The following PHLPP1 variants were observed in gnomAD, a reference collection of about 807,000 sequenced individuals.
PHLPP1 encodes the protein PH domain leucine-rich repeat-containing protein phosphatase 1.
Under a neutral mutation model 117.2 loss-of-function variants are expected in PHLPP1, and 42 were observed. That is an observed-to-expected ratio of 0.36 (90% CI 0.28 to 0.46). The LOEUF (loss-of-function observed/expected upper bound fraction) is 0.46, where lower values mean the gene tolerates loss of function less well. Ranked by LOEUF, PHLPP1 falls within the 20% of genes least tolerant of loss-of-function variation. The pLI is 1.00. For missense variants in PHLPP1, 2,084 were observed against 2,241.9 expected (o/e 0.93, Z 1.42); for synonymous variants, 1,042 against 970.7 (o/e 1.07, Z -1.37).
Position 62,941,801 on chromosome 18 carries a change from A to G in PHLPP1, c.3044A>G (p.Gln1015Arg), listed in dbSNP as rs764455727. 1.9e-6 allele frequency: 3 copies of G among 1,613,974 alleles called. No homozygotes were observed. The highest frequency in any genetic ancestry group is 2.5e-6 in the Non-Finnish European group (3 of 1,179,824). ...TCCGAAGAGACAAACAGTATCTTAC[A>G]AGAGTTGTATTTGACAAATAACAGC... The part of the protein sequence containing the change: ...TLSEETNSIL[Q>R]ELYLTNNSLT... Residue 1015 changes from glutamine to arginine, a missense_variant, in exon 11 of 17, where the codon CAA (glutamine) becomes CGA (arginine). Coordinates refer to ENST00000262719, the MANE Select transcript of PHLPP1 (RefSeq NM_194449.4).
chr18:62,725,087 G>A (rs748715804), intron 1 of PHLPP1, among the ~76,000 whole-genome samples: 46 of 152,068 alleles, frequency 3.0e-4, no homozygotes, highest in African/African-American at 9.7e-4. Flanking sequence ...GGCTGTGTGC[G>A]GTGGCTCACA....
chr18:62,728,952 A>T (rs1911154203), intron 1 of PHLPP1, among the ~76,000 whole-genome samples: 1 of 152,026 alleles, frequency 6.6e-6, no homozygotes, highest in South Asian at 2.1e-4. Flanking sequence ...GTTCTTGATT[A>T]CAGGAATAAT....
At chr18:62,799,867 A>G (rs183416072) in intron 1 of PHLPP1, among the ~76,000 whole-genome samples, 1 of 152,320 alleles carries the variant, frequency 6.6e-6, no homozygotes, top group East Asian at 1.9e-4. Flanking sequence ...TAACAAGTAT[A>G]ATAGTCAAGA....
chr18:62,766,076 A>AAAAAAAAAAAAAAAAATATAT, intron 1 of PHLPP1, among the ~76,000 whole-genome samples: 1 of 21,648 alleles, frequency 4.6e-5, no homozygotes, highest in African/African-American at 1.5e-4. Context: ...AAAAAAAAAA[A>AAAAAAAAAAAAAAAAATATAT]ATATATATAT....
At chr18:62,770,159 G>T (rs1010533568) in intron 1 of PHLPP1, among the ~76,000 whole-genome samples, 5 of 152,040 alleles carry the variant, frequency 3.3e-5, no homozygotes, top group African/African-American at 1.2e-4. Flanking sequence ...CACCCAGGCT[G>T]GAGTGCACTG....
chr18:62,853,353 T>C (rs534969673), intron 3 of PHLPP1, among the ~76,000 whole-genome samples: 2 of 143,826 alleles, frequency 1.4e-5, no homozygotes, highest in Admixed American at 1.4e-4. Flanking sequence ...TTCTTTTTTC[T>C]TTTTTTTTTT....
chr18:62,763,727 C>G (rs947204348), intron 1 of PHLPP1, among the ~76,000 whole-genome samples: 4 of 152,188 alleles, frequency 2.6e-5, no homozygotes, highest in Non-Finnish European at 5.9e-5. Context: ...ATTTCTTTCT[C>G]TGTCTACTTT....
chr18:62,771,528 T>C (rs774081539), intron 1 of PHLPP1, among the ~76,000 whole-genome samples: 1 of 152,214 alleles, frequency 6.6e-6, no homozygotes, highest in Non-Finnish European at 1.5e-5. Flanking sequence ...CCTATAATGC[T>C]GTGTTTTTGT....
chr18:62,912,325 AAT>A (rs1195201967), intron 8 of PHLPP1, among the ~76,000 whole-genome samples: 1 of 145,944 alleles, frequency 6.9e-6, no homozygotes, highest in Non-Finnish European at 1.5e-5. Flanking sequence ...TTAAAAAAAA[AAT>A]AATAAAAAAC....
intron 1 of PHLPP1, among the ~76,000 whole-genome samples, chr18:62,776,063 T>C (rs925418723): frequency 6.6e-6 from 1 of 151,900 alleles, no homozygotes; most frequent in Non-Finnish European, 1.5e-5. Flanking sequence ...TATAAAGAGA[T>C]TTAAAAAAAT....
In PHLPP1 at chr18:62,975,434, G is replaced by A. The variant is rs758176641; in HGVS notation, c.3793G>A (p.Ala1265Thr). 3 of 1,613,578 alleles carry A rather than the reference G, an allele frequency of 1.9e-6. No individual in the cohort carries two copies. The highest frequency in any genetic ancestry group is 1.1e-5 in the South Asian group (1 of 91,068). The change falls in exon 16 of 17, where the codon GCT becomes ACT. Residue 1265 changes from alanine (A) to threonine (T), a missense_variant. Ala to Thr is a moderately conservative substitution (Grantham distance 58). Around this residue, in one of 2 missense-constraint regions of PHLPP1, gnomAD observed 1,365 missense variants for 1,605.9 expected, o/e 0.85. Transcript: ENST00000262719. ...GTAGQKLGGA[A>T]VLCHIKHDPV... ...TGCTGGGCAGAAGCTTGGTGGTGCC[G>A]CTGTCCTTTGTCATATCAAGCATGA...
intron 1 of PHLPP1, among the ~76,000 whole-genome samples, chr18:62,799,662 A>G (rs1159443988): frequency 1.3e-5 from 2 of 152,140 alleles, no homozygotes. Flanking sequence ...CCATTCATCT[A>G]TCATAAACCA....
intron 3 of PHLPP1, 151 bp downstream of exon 3, chr18:62,839,060 A>T: frequency 1.3e-6 from 1 of 753,206 alleles, no homozygotes; most frequent in Non-Finnish European, 2.1e-6. Context: ...TTAGTTTTTT[A>T]AAAACTAATT....
At chr18:62,958,100 T>G (rs1239242081) in intron 12 of PHLPP1, among the ~76,000 whole-genome samples, 1 of 152,220 alleles carries the variant, frequency 6.6e-6, no homozygotes, top group African/African-American at 2.4e-5. Flanking sequence ...TTTTGTATTT[T>G]TAGTAGAGAT....
At chr18:62,726,246 T>C (rs1226718375) in intron 1 of PHLPP1, among the ~76,000 whole-genome samples, 1 of 151,990 alleles carries the variant, frequency 6.6e-6, no homozygotes, top group Non-Finnish European at 1.5e-5. Context: ...AAAATCTCAA[T>C]TTAAAAAAAT....
intron 1 of PHLPP1, among the ~76,000 whole-genome samples, chr18:62,785,505 T>C (rs1481906218): frequency 6.6e-6 from 1 of 152,188 alleles, no homozygotes; most frequent in Admixed American, 6.5e-5. Flanking sequence ...TCTACCTAGA[T>C]TGTAAATTTT....
At chr18:62,968,391 C>T (rs1910961685) in intron 14 of PHLPP1, among the ~76,000 whole-genome samples, 1 of 151,950 alleles carries the variant, frequency 6.6e-6, no homozygotes, top group African/African-American at 2.4e-5. Context: ...TTTTTTTTAA[C>T]CTACAATTTC....
intron 3 of PHLPP1, among the ~76,000 whole-genome samples, chr18:62,847,688 A>G (rs112537672): frequency 6.6e-6 from 1 of 152,182 alleles, no homozygotes; most frequent in Non-Finnish European, 1.5e-5. Context: ...TTTCTTTGAA[A>G]GCATTCTTTA....
chr18:62,971,994 C>T (rs1470084016), intron 14 of PHLPP1, among the ~76,000 whole-genome samples: 1 of 152,148 alleles, frequency 6.6e-6, no homozygotes, highest in East Asian at 1.9e-4. Context: ...CGAGATCACA[C>T]TACTGCACTG....
Sources: allele counts gnomAD v4.1 joint callset (sites outside exome capture counted in the v4.1 genomes callset), GRCh38; gene constraint gnomAD v4.1.1; regional missense constraint gnomAD v4.1.1; transcripts MANE v1.5; gene names NCBI Gene and HGNC (gene_info 2026-07-23, HGNC 2026-07-21).